The following TRPC7 variants were observed in gnomAD, a reference collection of about 807,000 sequenced individuals.
TRPC7 encodes short transient receptor potential channel 7.
A neutral mutation model predicts 90.1 loss-of-function variants in TRPC7; 42 were observed. The ratio of observed to expected loss-of-function variants is 0.47; its 90% CI spans 0.36 to 0.60. The LOEUF (loss-of-function observed/expected upper bound fraction) is 0.60, where lower values mean the gene tolerates loss of function less well. Among genes scored for constraint, TRPC7 ranks in the 20% least tolerant of loss-of-function variants. The probability of loss-of-function intolerance (pLI) is 0.00; values close to 1 mark genes in which losing one functional copy is unlikely to be tolerated. For missense variants in TRPC7, 955 were observed against 1,112.3 expected (o/e 0.86, Z 2.01); for synonymous variants, 451 against 436.3 (o/e 1.03, Z -0.42).
intron 2 of TRPC7, among the ~76,000 whole-genome samples, chr5:136,350,527 A>G (rs1232582883): frequency 6.6e-6 from 1 of 152,238 alleles, no homozygotes; most frequent in Non-Finnish European, 1.5e-5. Context: ...GGACACATTA[A>G]TTGACTCATT....
intron 10 of TRPC7, among the ~76,000 whole-genome samples, chr5:136,217,046 G>A (rs1755290012): frequency 6.6e-6 from 1 of 152,312 alleles, no homozygotes; most frequent in Non-Finnish European, 1.5e-5. Context: ...GTGAACTTTG[G>A]ATTTTGCCAG....
chr5:136,358,076 T>C (rs1016952062), intron 1 of TRPC7, among the ~76,000 whole-genome samples: 1 of 152,202 alleles, frequency 6.6e-6, no homozygotes, highest in African/African-American at 2.4e-5. Context: ...CTGTTCTTTA[T>C]GGGGACAGTG....
intron 3 of TRPC7, among the ~76,000 whole-genome samples, chr5:136,275,149 G>A (rs1007794989): frequency 1.2e-4 from 19 of 152,168 alleles, no homozygotes; most frequent in African/African-American, 4.6e-4. Flanking sequence ...CTTCAATTCA[G>A]GCTGTTCAGC....
At chr5:136,352,128 C>T (rs1760212223) in intron 2 of TRPC7, among the ~76,000 whole-genome samples, 1 of 152,114 alleles carries the variant, frequency 6.6e-6, no homozygotes, top group African/African-American at 2.4e-5. Context: ...GTGGGGCTTC[C>T]ACAGTCTCTG....
chr5:136,362,714 T>C (rs987395660), intron 1 of TRPC7, among the ~76,000 whole-genome samples: 4 of 152,200 alleles, frequency 2.6e-5, no homozygotes, highest in Admixed American at 2.0e-4. Flanking sequence ...TTTTGGCTAG[T>C]ATGCCACTGC....
intron 6 of TRPC7, among the ~76,000 whole-genome samples, chr5:136,248,772 T>C (rs372438508): frequency 2.0e-5 from 3 of 152,236 alleles, no homozygotes; most frequent in East Asian, 1.9e-4. Flanking sequence ...AGTGTTCCTA[T>C]TGCAGTTCTA....
intron 3 of TRPC7, among the ~76,000 whole-genome samples, chr5:136,295,546 C>G (rs1305007663): frequency 2.0e-5 from 3 of 152,154 alleles, no homozygotes; most frequent in African/African-American, 7.2e-5. Context: ...CCCAGTGCCC[C>G]AGTCCCCTCC....
chr5:136,213,717 C>T (rs1422228779), intron 11 of TRPC7, 113 bp from the exon 12 acceptor site: 3 of 1,220,482 alleles, frequency 2.5e-6, no homozygotes, highest in African/African-American at 3.0e-5. Flanking sequence ...CCTGGGCCAG[C>T]CCACCAGGGT....
intron 3 of TRPC7, among the ~76,000 whole-genome samples, chr5:136,294,225 G>T: frequency 6.6e-6 from 1 of 152,124 alleles, no homozygotes. Flanking sequence ...CAGGACATAG[G>T]CATGGGCAAG....
chr5:136,225,417 C>G (rs1755593864), intron 9 of TRPC7, 63 bp from the exon 10 acceptor site: 1 of 1,478,636 alleles, frequency 6.8e-7, no homozygotes, highest in Non-Finnish European at 9.3e-7. Context: ...CCCTACATAT[C>G]TCGTAGGACT....
intron 3 of TRPC7, among the ~76,000 whole-genome samples, chr5:136,299,392 G>A (rs1002861167): frequency 6.6e-6 from 1 of 151,126 alleles, no homozygotes; most frequent in Non-Finnish European, 1.5e-5. Context: ...GGAGGAGGAG[G>A]AGGGGAAAAG....
intron 7 of TRPC7, among the ~76,000 whole-genome samples, chr5:136,242,906 A>G (rs1294473700): frequency 2.6e-5 from 4 of 152,168 alleles, no homozygotes; most frequent in Non-Finnish European, 5.9e-5. Flanking sequence ...CTGTATATTT[A>G]TTCACACCTT....
intron 3 of TRPC7, among the ~76,000 whole-genome samples, chr5:136,306,689 C>T (rs1034109470): frequency 2.0e-5 from 3 of 152,092 alleles, no homozygotes; most frequent in Non-Finnish European, 4.4e-5. Flanking sequence ...TGACATTCCA[C>T]CATTGTGATT....
At chr5:136,352,753 G>A (rs948804418) in intron 2 of TRPC7, among the ~76,000 whole-genome samples, 3 of 152,150 alleles carry the variant, frequency 2.0e-5, no homozygotes, top group African/African-American at 7.2e-5. Flanking sequence ...TTTAGGTACT[G>A]TGGGGAAGAT....
chr5:136,285,861 T>C (rs1374960924), intron 3 of TRPC7, among the ~76,000 whole-genome samples: 1 of 152,324 alleles, frequency 6.6e-6, no homozygotes, highest in East Asian at 1.9e-4. Flanking sequence ...ATTCCTGAAA[T>C]GCACCAAGGC....
chr5:136,285,252 G>T (rs528675781), intron 3 of TRPC7, among the ~76,000 whole-genome samples: 1 of 152,258 alleles, frequency 6.6e-6, no homozygotes, highest in African/African-American at 2.4e-5. Context: ...AGAAATATGG[G>T]CCAGATATGC....
chr5:136,273,934 T>A (rs544662309), intron 4 of TRPC7, among the ~76,000 whole-genome samples: 3 of 152,194 alleles, frequency 2.0e-5, no homozygotes, highest in Non-Finnish European at 2.9e-5. Context: ...GATGTGGGGA[T>A]GGTGGAGCCG....
intron 7 of TRPC7, among the ~76,000 whole-genome samples, chr5:136,246,881 A>G (rs1445692874): frequency 1.3e-5 from 2 of 152,108 alleles, no homozygotes; most frequent in East Asian, 3.9e-4. Context: ...TATTATTATC[A>G]CCATTTTAAA....
chr5:136,239,447 G>T (rs772861100), intron 7 of TRPC7, among the ~76,000 whole-genome samples: 1 of 152,264 alleles, frequency 6.6e-6, no homozygotes, highest in Non-Finnish European at 1.5e-5. Flanking sequence ...ACAAAGCCCA[G>T]TAGGCTGATG....
Sources: gnomAD v4.1 joint callset for allele counts (sites outside exome capture counted in the v4.1 genomes callset) on GRCh38, gnomAD v4.1.1 for gene constraint, MANE v1.5 for transcripts, NCBI Gene and HGNC (gene_info 2026-07-23, HGNC 2026-07-21) for gene names.